The following RYR2 variants were observed in gnomAD, a reference collection of about 807,000 sequenced individuals.
RYR2 encodes the protein cardiac muscle ryanodine receptor-calcium release channel.
A neutral mutation model predicts 601.1 loss-of-function variants in RYR2; 227 were observed. The ratio of observed to expected loss-of-function variants is 0.38; its 90% CI spans 0.34 to 0.42. The LOEUF (loss-of-function observed/expected upper bound fraction) is 0.42, where lower values mean the gene tolerates loss of function less well. RYR2 is among the 10% of genes least tolerant of loss of function. The probability of loss-of-function intolerance (pLI) is 1.00; values close to 1 mark genes in which losing one functional copy is unlikely to be tolerated. For synonymous variants in RYR2, 2,223 were observed against 2,175.1 expected (o/e 1.02, Z -0.61); for missense variants, 4,646 against 6,156.5 (o/e 0.75, Z 8.21).
chr1:237,298,208 C>G (rs1693000834), intron 2 of RYR2, among the ~76,000 whole-genome samples: 2 of 152,150 alleles, frequency 1.3e-5, no homozygotes, highest in African/African-American at 2.4e-5. Flanking sequence ...CATTCTCATT[C>G]ATCAGCTCTC....
At chr1:237,513,110 A>T (rs1666074480) in intron 24 of RYR2, among the ~76,000 whole-genome samples, 1 of 152,170 alleles carries the variant, frequency 6.6e-6, no homozygotes, top group South Asian at 2.1e-4. Flanking sequence ...CACCCAGTAA[A>T]GGCAAATTTG....
chr1:237,474,876 ACTGT>A (rs1289755832), intron 17 of RYR2, among the ~76,000 whole-genome samples: 2 of 152,186 alleles, frequency 1.3e-5, no homozygotes, highest in African/African-American at 4.8e-5. Flanking sequence ...TGTGCTGTTG[ACTGT>A]CTGGCTCCTT....
intron 16 of RYR2, among the ~76,000 whole-genome samples, chr1:237,462,969 C>T (rs1355958222): frequency 1.3e-5 from 2 of 152,096 alleles, no homozygotes; most frequent in Non-Finnish European, 2.9e-5. Context: ...CCTCAGACTC[C>T]AGTTTACAAG....
At chr1:237,731,791 A>G (rs1690701073) in intron 77 of RYR2, among the ~76,000 whole-genome samples, 1 of 152,058 alleles carries the variant, frequency 6.6e-6, no homozygotes. Context: ...TATAGCATGT[A>G]TATTACATAT....
At chr1:237,203,027 T>C (rs1681379363) in intron 1 of RYR2, among the ~76,000 whole-genome samples, 1 of 152,218 alleles carries the variant, frequency 6.6e-6, no homozygotes, top group African/African-American at 2.4e-5. Flanking sequence ...CCAGACATGC[T>C]GTGGCCCAGA....
chr1:237,436,026 AG>A (rs1323161014), intron 12 of RYR2, among the ~76,000 whole-genome samples: 1 of 152,168 alleles, frequency 6.6e-6, no homozygotes, highest in Non-Finnish European at 1.5e-5. Context: ...AACCAAGAGC[AG>A]GGTAGAGTCC....
At chr1:237,505,090 G>A (rs1223792582) in intron 22 of RYR2, among the ~76,000 whole-genome samples, 1 of 152,182 alleles carries the variant, frequency 6.6e-6, no homozygotes, top group Admixed American at 6.5e-5. Flanking sequence ...TTAAGATCAT[G>A]AACTCTAGAG....
chr1:237,101,096 C>T (rs12080448), intron 1 of RYR2, among the ~76,000 whole-genome samples: 2 of 152,130 alleles, frequency 1.3e-5, no homozygotes, highest in Non-Finnish European at 2.9e-5. Flanking sequence ...TCTGGCCCAT[C>T]TCCCACATCC....
At chr1:237,071,921 G>C (rs1664392683) in intron 1 of RYR2, among the ~76,000 whole-genome samples, 1 of 152,222 alleles carries the variant, frequency 6.6e-6, no homozygotes, top group Non-Finnish European at 1.5e-5. Flanking sequence ...CTTGAGCGTG[G>C]GTATACAGCT....
At position 237,127,469 on chromosome 1, in the gene RYR2, C is replaced by A. The variant is rs866532605; in HGVS notation, c.48+84900C>A. ...GCGGCTGGCCGGGCAGGGGGCTGAC[C>A]CCCCCACCTCCTTCCCGGACGGGGC... On this transcript the variant is annotated intron_variant, in intron 1 of 104. Transcript: ENST00000366574. Among the ~76,000 whole-genome samples the A allele has an allele frequency of 2.8e-3, 420 of 150,042 alleles. 6 individuals are homozygous for A. Among genetic ancestry groups the A allele is most frequent in the African/African-American group, 9.9e-3 (404 of 40,774 alleles).
At chr1:237,289,222 T>C (rs1273533944) in intron 2 of RYR2, among the ~76,000 whole-genome samples, 1 of 152,168 alleles carries the variant, frequency 6.6e-6, no homozygotes, top group African/African-American at 2.4e-5. Flanking sequence ...TCGGGATTGC[T>C]GGTTTGTTCT....
At chr1:237,658,329 T>A (rs1398959300) in intron 54 of RYR2, among the ~76,000 whole-genome samples, 1 of 152,126 alleles carries the variant, frequency 6.6e-6, no homozygotes, top group Non-Finnish European at 1.5e-5. Flanking sequence ...CACCAAGAGC[T>A]TCAGGAGGAA....
intron 3 of RYR2, among the ~76,000 whole-genome samples, chr1:237,345,477 A>T (rs543850898): frequency 1.8e-4 from 27 of 151,330 alleles, no homozygotes; most frequent in East Asian, 1.2e-3. Flanking sequence ...TAAAAAATAA[A>T]AAATAAAAAA....
chr1:237,296,606 G>C (rs1010141691), intron 2 of RYR2, among the ~76,000 whole-genome samples: 1 of 152,194 alleles, frequency 6.6e-6, no homozygotes, highest in African/African-American at 2.4e-5. Context: ...TCTGAGTGAA[G>C]ATGTCAAGTA....
chr1:237,116,833 A>G (rs1471011659), intron 1 of RYR2, among the ~76,000 whole-genome samples: 1 of 152,132 alleles, frequency 6.6e-6, no homozygotes, highest in East Asian at 1.9e-4. Flanking sequence ...ATTTTGTTCT[A>G]TTCAGGCCCT....
rs200999820 is a variant in RYR2 at position 237,490,517 on chromosome 1, CA to C, written c.1709-1279del. ...TTTGTTTCTACGTTTTTAGTAATAG[CA>C]AAAAAAAAAGGTATTCAGTTTTAGT... On this transcript the variant is annotated intron_variant, in intron 17 of 104. Coordinates refer to ENST00000366574, the MANE Select transcript of RYR2 (RefSeq NM_001035.3). Among the ~76,000 whole-genome samples, 70 of 143,466 alleles carry C rather than the reference CA, an allele frequency of 4.9e-4. No homozygotes were observed. The East Asian group carries it at 6.2e-3, about 13-fold the overall frequency. The allele number at this position is 143,466 out of a possible 152,430, so 94.1% of individuals were successfully genotyped here.
chr1:237,664,468 G>T (rs185601314), intron 56 of RYR2, among the ~76,000 whole-genome samples: 6 of 152,204 alleles, frequency 3.9e-5, no homozygotes, highest in African/African-American at 1.2e-4. Context: ...GGCTGCGGAG[G>T]CCTCACACTC....
At position 237,698,978 on chromosome 1, in the gene RYR2, A is replaced by G; in HGVS notation, c.9081A>G (p.Thr3027=). Residue 3027 remains threonine (T), a synonymous_variant, in exon 64 of 105, where the codon ACA becomes ACG. Transcript: ENST00000366574. ...HRISLFGNDA[T]SIVNCLHILG... ...TTTCCTCTTTAGGCAATGATGCAAC[A>G]TCAATTGTCAACTGTCTTCATATTT... The G allele has an allele frequency of 6.4e-7, 1 of 1,553,816 alleles. No individual in the cohort carries two copies.
intron 19 of RYR2, 86 bp from the exon 20 acceptor site, chr1:237,496,425 T>C: frequency 1.9e-6 from 3 of 1,547,810 alleles, no homozygotes; most frequent in Non-Finnish European, 2.6e-6. Context: ...TTAAATGAAA[T>C]ACACAAGTGA....
Sources: gnomAD v4.1 joint callset for allele counts (sites outside exome capture counted in the v4.1 genomes callset) on GRCh38, gnomAD v4.1.1 for gene constraint, MANE v1.5 for transcripts, NCBI Gene and HGNC (gene_info 2026-07-23, HGNC 2026-07-21) for gene names.